The following MIOS variants were observed in gnomAD, a reference collection of about 807,000 sequenced individuals.
The protein encoded by MIOS is meiosis regulator for oocyte development.
In MIOS, 52 loss-of-function variants were observed where a neutral mutation model predicts 96.9. The ratio of observed to expected loss-of-function variants is 0.54; its 90% CI spans 0.43 to 0.68. The LOEUF (loss-of-function observed/expected upper bound fraction) is 0.68. Ranked by LOEUF, MIOS falls within the 30% of genes least tolerant of loss-of-function variation. MIOS has a pLI of 0.00. For synonymous variants in MIOS, 397 were observed against 359.5 expected, an observed-to-expected ratio of 1.10 and a Z score of -1.18; for missense variants, 1,005 against 1,052.8, an observed-to-expected ratio of 0.95 and a Z score of 0.63.
At chr7:7,597,979 G>T (rs984251835) in intron 11 of MIOS, among the ~76,000 whole-genome samples, 1 of 152,082 alleles carries the variant, frequency 6.6e-6, no homozygotes, top group Non-Finnish European at 1.5e-5. Flanking sequence ...TTTTTTAATG[G>T]TTAGAAATAT....
chr7:7,570,153 A>G (rs1039024813), intron 3 of MIOS, among the ~76,000 whole-genome samples: 1 of 152,308 alleles, frequency 6.6e-6, no homozygotes, highest in African/African-American at 2.4e-5. Context: ...CACACACCAG[A>G]TATGTTGTAT....
chr7:7,577,336 C>T (rs984891893), intron 5 of MIOS, among the ~76,000 whole-genome samples: 5 of 151,968 alleles, frequency 3.3e-5, no homozygotes, highest in African/African-American at 9.7e-5. Context: ...CTTTCACTGG[C>T]GGTATGGATA....
intron 11 of MIOS, 98 bp downstream of exon 11, chr7:7,596,559 A>G: frequency 8.1e-7 from 1 of 1,229,368 alleles, no homozygotes; most frequent in Non-Finnish European, 1.1e-6. Context: ...TAGAGTTATT[A>G]TTTCTAAGAA....
intron 6 of MIOS, among the ~76,000 whole-genome samples, chr7:7,584,206 A>C (rs1162390988): frequency 1.3e-5 from 2 of 151,936 alleles, no homozygotes; most frequent in Non-Finnish European, 2.9e-5. Context: ...TAAAAAAGTC[A>C]ATGTTTTGCT....
chr7:7,585,417 T>C (rs2074726), intron 6 of MIOS, among the ~76,000 whole-genome samples: 18,060 of 97,768 alleles, frequency 0.18, 1,410 homozygotes, highest in African/African-American at 0.31. Flanking sequence ...AACCCCCCCC[T>C]TTTTTTTTTT....
Position 7,572,744 on chromosome 7 carries a change from C to T in MIOS, c.269C>T (p.Thr90Ile). 5 of 1,614,112 alleles carry T rather than the reference C, an allele frequency of 3.1e-6. No individual in the cohort carries two copies. Among genetic ancestry groups the T allele is most frequent in the African/African-American group, 1.3e-5 (1 of 75,026 alleles). ...VGQANGRVVL[T>I]SLGQDHNSKF... The stretch of plus-strand genomic sequence containing the variant: ...CAAGCAAATGGTCGAGTTGTACTTA[C>T]AAGCCTTGGTCAAGATCATAACTCA... The change falls in exon 4 of 13, where the codon ACA becomes ATA. Residue 90 changes from threonine (T) to isoleucine (I), a missense_variant. Coordinates refer to ENST00000340080, the MANE Select transcript of MIOS (RefSeq NM_019005.4). This position sits in a 1 kb window ranked among gnomAD's most constrained non-coding sequence, Gnocchi z 4.8.
chr7:7,603,107 C>T (rs576610012), intron 11 of MIOS, among the ~76,000 whole-genome samples: 17 of 152,270 alleles, frequency 1.1e-4, no homozygotes, highest in East Asian at 7.7e-4. Flanking sequence ...GACCTAAAAC[C>T]GTAAAAACCC....
At position 7,597,444 on chromosome 7, in the gene MIOS, C is replaced by A. The variant is rs200227019; in HGVS notation, c.2401+983C>A. Among the ~76,000 whole-genome samples the A allele has an allele frequency of 7.4e-5, 9 of 122,124 alleles. No homozygotes were observed. The East Asian group carries it at 2.2e-3, about 30-fold the overall frequency. 80.1% of individuals were successfully genotyped at this position (122,124 alleles called of 152,430 possible). A position where few individuals can be genotyped will look rare whatever the true frequency, so the allele number is the denominator to read the frequency against. ...CTTCTAGATTTTGATGCTGCTTCTG[C>A]TGTTTGTCAGTTACCTAGTAAATTT... is the stretch of plus-strand genomic sequence containing the variant. On this transcript the variant is annotated intron_variant, in intron 11 of 12. Coordinates refer to ENST00000340080, the MANE Select transcript of MIOS (RefSeq NM_019005.4).
chr7:7,589,690 C>G (rs1014607030), intron 9 of MIOS, 127 bp downstream of exon 9: 1 of 971,418 alleles, frequency 1.0e-6, no homozygotes, highest in Admixed American at 2.7e-5. Context: ...TTAACCTAAT[C>G]AGTTGATCTA....
intron 3 of MIOS, among the ~76,000 whole-genome samples, chr7:7,569,838 A>G (rs560982657): frequency 1.3e-5 from 2 of 152,354 alleles, no homozygotes; most frequent in South Asian, 4.1e-4. Context: ...CTCTAACCAG[A>G]GGAAACATCA....
intron 9 of MIOS, among the ~76,000 whole-genome samples, chr7:7,590,804 A>G (rs1784024961): frequency 6.6e-6 from 1 of 151,946 alleles, no homozygotes; most frequent in Admixed American, 6.6e-5. Flanking sequence ...ACCCCCTCAT[A>G]CTTCACATTT....
At chr7:7,567,567 T>C (rs757956908) in intron 1 of MIOS, 40 bp from the exon 2 acceptor site, 4 of 152,200 alleles carry the variant, frequency 2.6e-5, no homozygotes, top group Non-Finnish European at 4.4e-5. Flanking sequence ...CTTTGCTGAA[T>C]AGGTTAGCAA....
In MIOS at chr7:7,606,074, A is replaced by T. The variant is rs1784521946; in HGVS notation, c.2531+3A>T. The T allele has an allele frequency of 6.2e-7, 1 of 1,613,478 alleles. No homozygotes were observed. The highest frequency in any genetic ancestry group is 8.5e-7 in the Non-Finnish European group (1 of 1,179,602). On this transcript the variant is annotated splice_donor_region_variant and intron_variant, in intron 12 of 12. Coordinates refer to ENST00000340080, the MANE Select transcript of MIOS (RefSeq NM_019005.4). Reference sequence around the variant, plus strand: ...GGACATATGCTTAGTTGGTTCAGGTAATCAGCACATTTCTTCTTTGATAGG... The same window carrying T: ...GGACATATGCTTAGTTGGTTCAGGTTATCAGCACATTTCTTCTTTGATAGG...
In MIOS at chr7:7,572,418, A is replaced by G; in HGVS notation, c.-40-18A>G. ...TTTTGCTGATATTTTAAAACTTTTTATTTTTAAACATTTTCAGTGAATGGA... is the reference window on the plus strand; with the variant it reads ...TTTTGCTGATATTTTAAAACTTTTTGTTTTTAAACATTTTCAGTGAATGGA... On this transcript the variant is annotated intron_variant, in intron 3 of 12. Transcript: ENST00000340080. This position sits in a 1 kb window ranked among gnomAD's most constrained non-coding sequence, Gnocchi z 4.8. 7.5e-7 allele frequency: 1 copy of G among 1,331,070 alleles called. No homozygotes were observed. The highest frequency in any genetic ancestry group is 1.0e-6 in the Non-Finnish European group (1 of 978,000). The allele number at this position is 1,331,070 out of a possible 1,614,324, so 82.5% of individuals were successfully genotyped here.
chr7:7,570,553 A>G (rs1783316571), intron 3 of MIOS, among the ~76,000 whole-genome samples: 1 of 152,066 alleles, frequency 6.6e-6, no homozygotes, highest in Admixed American at 6.5e-5. Context: ...GTACTATACA[A>G]TGAAATAATT....
intron 9 of MIOS, among the ~76,000 whole-genome samples, chr7:7,591,393 CCTCAGCCTCCCAA>C (rs1247738869): frequency 6.6e-6 from 1 of 151,170 alleles, no homozygotes; most frequent in Non-Finnish European, 1.5e-5. Context: ...AATCCTCCCA[CCTCAGCCTCCCAA>C]GGAACTGGAC....
At chr7:7,571,888 A>G (rs570650144) in intron 3 of MIOS, among the ~76,000 whole-genome samples, 1 of 152,330 alleles carries the variant, frequency 6.6e-6, no homozygotes, top group African/African-American at 2.4e-5. Context: ...ACATATGGTT[A>G]TTTATATTAA....
Position 7,596,244 on chromosome 7 carries a change from A to G in MIOS, c.2197-13A>G, listed in dbSNP as rs1232045894. On this transcript the variant is annotated splice_polypyrimidine_tract_variant and intron_variant, in intron 10 of 12. Coordinates refer to ENST00000340080, the MANE Select transcript of MIOS (RefSeq NM_019005.4). ...TTGCATTACATTTATTTTTTCTTTC[A>G]TTTGTTTTGTAGGTTTTTGTGAGTT... 2.5e-6 allele frequency: 4 copies of G among 1,609,806 alleles called. No homozygotes were observed. The highest frequency in any genetic ancestry group is 1.7e-4 in the Middle Eastern group (1 of 6,042).
intron 11 of MIOS, among the ~76,000 whole-genome samples, chr7:7,604,505 A>G (rs1784471055): frequency 6.7e-6 from 1 of 148,854 alleles, no homozygotes; most frequent in Non-Finnish European, 1.5e-5. Context: ...GTTACAGTAA[A>G]GAAGACAAAA....
Sources: gnomAD v4.1 joint callset for allele counts (sites outside exome capture counted in the v4.1 genomes callset) on GRCh38, gnomAD v4.1.1 for gene constraint, Gnocchi (gnomAD v3.1) non-coding constraint, MANE v1.5 for transcripts, NCBI Gene and HGNC (gene_info 2026-07-23, HGNC 2026-07-21) for gene names.